The following PRKG1 variants were observed in gnomAD, a reference collection of about 807,000 sequenced individuals.
PRKG1 encodes the protein protein kinase cGMP-dependent 1, also known as cGMP-dependent protein kinase 1.
Under a neutral mutation model 88.1 loss-of-function variants are expected in PRKG1, and 35 were observed. The ratio of observed to expected loss-of-function variants is 0.40; its 90% confidence interval spans 0.30 to 0.53. The LOEUF (loss-of-function observed/expected upper bound fraction) is 0.53. PRKG1 is among the 20% of genes least tolerant of loss of function. The probability of loss-of-function intolerance (pLI) is 0.59; values close to 1 mark genes in which losing one functional copy is unlikely to be tolerated. For missense variants in PRKG1, 540 were observed against 839.8 expected (o/e 0.64, Z 4.41); for synonymous variants, 303 against 292.5 (o/e 1.04, Z -0.37).
At chr10:51,824,877 G>T (rs572488896) in intron 4 of PRKG1, among the ~76,000 whole-genome samples, 16 of 152,202 alleles carry the variant, frequency 1.1e-4, no homozygotes, top group Non-Finnish European at 2.1e-4. Flanking sequence ...CTCCCATCAG[G>T]CCCCACCTCC....
At chr10:51,836,142 A>G (rs1048645910) in intron 4 of PRKG1, among the ~76,000 whole-genome samples, 1 of 152,220 alleles carries the variant, frequency 6.6e-6, no homozygotes, top group Non-Finnish European at 1.5e-5. Flanking sequence ...ACAAAGCTAC[A>G]GTAATCAAAA....
chr10:51,425,711 G>C (rs1457324567), intron 2 of PRKG1, among the ~76,000 whole-genome samples: 1 of 152,114 alleles, frequency 6.6e-6, no homozygotes, highest in Non-Finnish European at 1.5e-5. Flanking sequence ...GGTTCAAAAG[G>C]CTTTCTGGAT....
chr10:51,455,246 A>G (rs1253396515), intron 2 of PRKG1, among the ~76,000 whole-genome samples: 1 of 152,200 alleles, frequency 6.6e-6, no homozygotes, highest in Non-Finnish European at 1.5e-5. Flanking sequence ...CACATAGCAG[A>G]GGGTCCTTGG....
At chr10:52,037,285 GA>G (rs1169275882) in intron 5 of PRKG1, among the ~76,000 whole-genome samples, 1 of 152,250 alleles carries the variant, frequency 6.6e-6, no homozygotes, top group Non-Finnish European at 1.5e-5. Flanking sequence ...CAGGCATTTG[GA>G]AGTTCCTGTG....
intron 5 of PRKG1, among the ~76,000 whole-genome samples, chr10:51,932,241 A>T (rs1842709650): frequency 6.6e-6 from 1 of 151,406 alleles, no homozygotes; most frequent in Admixed American, 6.6e-5. Context: ...TTTAACTATC[A>T]ATAAAATCAT....
chr10:51,759,227 G>A (rs946179089), intron 3 of PRKG1, among the ~76,000 whole-genome samples: 2 of 151,966 alleles, frequency 1.3e-5, no homozygotes, highest in African/African-American at 2.4e-5. Flanking sequence ...TGGGATTGCT[G>A]GGTCAAATTG....
intron 2 of PRKG1, among the ~76,000 whole-genome samples, chr10:51,280,610 T>G (rs1250325327): frequency 6.6e-6 from 1 of 152,214 alleles, no homozygotes; most frequent in African/African-American, 2.4e-5. Flanking sequence ...TTCATTTCAT[T>G]CATTTGATCT....
chr10:52,026,370 C>T (rs1845337136), intron 5 of PRKG1, among the ~76,000 whole-genome samples: 1 of 152,112 alleles, frequency 6.6e-6, no homozygotes, highest in Admixed American at 6.6e-5. Context: ...CTTCTGTCTA[C>T]CTGACTTAAA....
At chr10:51,792,450 TC>T (rs1838893163) in intron 3 of PRKG1, among the ~76,000 whole-genome samples, 1 of 152,114 alleles carries the variant, frequency 6.6e-6, no homozygotes, top group African/African-American at 2.4e-5. Flanking sequence ...ATTCACAGCC[TC>T]CATTACCAGC....
intron 5 of PRKG1, among the ~76,000 whole-genome samples, chr10:52,034,552 T>C (rs1449921233): frequency 6.6e-6 from 1 of 151,792 alleles, no homozygotes; most frequent in African/African-American, 2.4e-5. Flanking sequence ...ACTCAGGATA[T>C]CTGATTAGAG....
chr10:52,220,413 T>TTATATATATA (rs150890362), intron 9 of PRKG1, among the ~76,000 whole-genome samples: 2 of 150,938 alleles, frequency 1.3e-5, no homozygotes, highest in African/African-American at 4.9e-5. Context: ...ATGACATCTT[T>TTATATATATA]TATATATATA....
intron 2 of PRKG1, among the ~76,000 whole-genome samples, chr10:51,311,227 G>A (rs1841178346): frequency 6.6e-6 from 1 of 152,146 alleles, no homozygotes; most frequent in South Asian, 2.1e-4. Context: ...TCATGAGGGT[G>A]TTTATTACAT....
intron 4 of PRKG1, among the ~76,000 whole-genome samples, chr10:51,857,832 C>T (rs932675036): frequency 1.3e-5 from 2 of 151,270 alleles, no homozygotes; most frequent in Non-Finnish European, 2.9e-5. Context: ...GTTTGTGAAG[C>T]CAATGGAGAG....
intron 4 of PRKG1, among the ~76,000 whole-genome samples, chr10:51,855,835 T>C (rs1193448996): frequency 6.6e-6 from 1 of 152,210 alleles, no homozygotes; most frequent in African/African-American, 2.4e-5. Flanking sequence ...ATCCAAAGTG[T>C]ATTCACTTCC....
rs117971315 is a variant in PRKG1, at chr10:51,993,257, T to C, written c.763-61227T>C. Among the ~76,000 whole-genome samples, 6 of 152,288 alleles carry C rather than the reference T, an allele frequency of 3.9e-5. No homozygotes were observed. In the South Asian group the frequency reaches 8.3e-4, roughly 21 times the overall value. On this transcript the variant is annotated intron_variant, in intron 5 of 17. Coordinates refer to ENST00000373980, the MANE Select transcript of PRKG1 (RefSeq NM_006258.4). The stretch of plus-strand genomic sequence containing the variant: ...TTCCCTCATTATTCCAAGGTTTTTA[T>C]TTCCTCTTAAGTGGCTCTGGCTCAG...
chr10:52,021,540 C>T (rs531195187), intron 5 of PRKG1, among the ~76,000 whole-genome samples: 2 of 152,290 alleles, frequency 1.3e-5, no homozygotes, highest in Non-Finnish European at 2.9e-5. Flanking sequence ...ACAAGAGCAA[C>T]TTCAGACCAG....
chr10:51,496,538 C>T (rs911164750), intron 3 of PRKG1, among the ~76,000 whole-genome samples: 3 of 152,248 alleles, frequency 2.0e-5, no homozygotes, highest in East Asian at 3.9e-4. Context: ...ATCCAGCTGT[C>T]CCTTGGCAAA....
intron 3 of PRKG1, among the ~76,000 whole-genome samples, chr10:51,511,044 G>A (rs527928594): frequency 1.1e-4 from 16 of 151,938 alleles, no homozygotes; most frequent in South Asian, 2.1e-4. Flanking sequence ...GAGCCGCTGC[G>A]CCTGGCCTGT....
intron 5 of PRKG1, among the ~76,000 whole-genome samples, chr10:51,971,761 A>T (rs1843719061): frequency 6.6e-6 from 1 of 152,094 alleles, no homozygotes; most frequent in Non-Finnish European, 1.5e-5. Flanking sequence ...TTATTATAGC[A>T]CCTTGTCATG....
Sources: gnomAD v4.1 joint callset for allele counts (sites outside exome capture counted in the v4.1 genomes callset) on GRCh38, gnomAD v4.1.1 for gene constraint, MANE v1.5 for transcripts, NCBI Gene and HGNC (gene_info 2026-07-23, HGNC 2026-07-21) for gene names.